The following ZNF436 variants were observed in gnomAD, a reference collection of about 807,000 sequenced individuals.
ZNF436 encodes the protein DNA-binding protein.
A neutral mutation model predicts 41.9 loss-of-function variants in ZNF436; 22 were observed. The ratio of observed to expected loss-of-function variants is 0.53; its 90% CI spans 0.38 to 0.75. The LOEUF (loss-of-function observed/expected upper bound fraction) is 0.75, where lower values mean the gene tolerates loss of function less well. ZNF436 is among the 30% of genes least tolerant of loss of function. ZNF436 has a pLI of 0.00. For synonymous variants in ZNF436, 217 were observed against 197.8 expected (o/e 1.10, Z -0.82); for missense variants, 506 against 587.3 (o/e 0.86, Z 1.43).
chr1:23,362,130 AG>A lies in ZNF436; in HGVS notation c.1251del (p.Tyr418ThrfsTer56). 1 of 1,614,120 alleles carries A rather than the reference AG, an allele frequency of 6.2e-7. No individual in the cohort carries two copies. The highest frequency in any genetic ancestry group is 8.5e-7 in the Non-Finnish European group (1 of 1,180,008). On this transcript the variant is annotated frameshift_variant, in exon 4 of 4. Transcript: ENST00000314011. LOFTEE classifies it high-confidence loss of function. ...KHQRTHTGEK[P>X]YECVQCGKGF... is the part of the protein sequence containing the mutation. The stretch of plus-strand genomic sequence containing the variant: ...CCTTTCCCACACTGCACACACTCGT[AG>A]GGCTTCTCCCCTGTGTGGGTTCTCT...
rs1638257346 is a variant in ZNF436 at position 23,362,338 on chromosome 1, G to A, written c.1044C>T (p.His348=). The stretch of plus-strand genomic sequence containing the variant: ...TGTGAGTTCTCTGGTGCTGAACCAA[G>A]TGTGAGATGCGGCTGAAATTTTCCC... ...ECGENFSRIS[H]LVQHQRTHTG... Residue 348 remains histidine (H), a synonymous_variant, in exon 4 of 4, where the codon CAC becomes CAT. Transcript: ENST00000314011. 6.2e-7 allele frequency: 1 copy of A among 1,613,986 alleles called. No individual in the cohort carries two copies. Among genetic ancestry groups the A allele is most frequent in the East Asian group, 2.2e-5 (1 of 44,878 alleles).
At position 23,369,556 on chromosome 1, in the gene ZNF436, C is replaced by T. The variant is rs1417385729; in HGVS notation, c.-251G>A. 8 of 533,776 alleles carry T rather than the reference C, an allele frequency of 1.5e-5. No individual in the cohort carries two copies. Among genetic ancestry groups the T allele is most frequent in the Non-Finnish European group, 2.7e-5 (7 of 259,352 alleles). The allele number at this position is 533,776 out of a possible 1,614,324, so 33.1% of individuals were successfully genotyped here. A position where few individuals can be genotyped will look rare whatever the true frequency, so the allele number is the denominator to read the frequency against. ...AGACTTGCAGGCGAAGCCCAGATAT[C>T]GTAGGCTGATCCTAAAGACTCAGAT... On this transcript the variant is annotated 5_prime_UTR_variant, in exon 1 of 4. Coordinates refer to ENST00000314011, the MANE Select transcript of ZNF436 (RefSeq NM_001077195.2).
Position 23,362,578 on chromosome 1 carries a change from G to A in ZNF436, c.804C>T (p.His268=), listed in dbSNP as rs1638268971. 6.2e-7 allele frequency: 1 copy of A among 1,613,828 alleles called. No homozygotes were observed. Among genetic ancestry groups the A allele is most frequent in the Non-Finnish European group, 8.5e-7 (1 of 1,179,898 alleles). The part of the protein sequence containing the change: ...SFSRSSHLAQ[H]QRTHTGEKPY... ...GTTTCTCACCCGTGTGGGTCCTCTG[G>A]TGCTGAGCTAGGTGAGAGCTCCGGC... Residue 268 remains histidine (H), a synonymous_variant, in exon 4 of 4, where the codon CAC becomes CAT. Transcript: ENST00000314011.
chr1:23,367,852 G>C, intron 2 of ZNF436, 121 bp downstream of exon 2: 1 of 1,139,248 alleles, frequency 8.8e-7, no homozygotes, highest in Admixed American at 1.9e-5. Flanking sequence ...CCTGGAGGCA[G>C]AATATCGAAG....
chr1:23,364,221 T>C (rs576968898), intron 3 of ZNF436, among the ~76,000 whole-genome samples: 15 of 152,196 alleles, frequency 9.9e-5, no homozygotes, highest in African/African-American at 2.6e-4. Flanking sequence ...AGCCACTATG[T>C]TTTTGTTTGT....
chr1:23,364,213 C>T (rs1017288423), intron 3 of ZNF436, among the ~76,000 whole-genome samples: 1 of 152,096 alleles, frequency 6.6e-6, no homozygotes, highest in Non-Finnish European at 1.5e-5. Flanking sequence ...TACTAAGAAG[C>T]CACTATGTTT....
Position 23,362,102 on chromosome 1 carries a change from A to G in ZNF436, c.1280T>C (p.Phe427Ser). 6.2e-7 allele frequency: 1 copy of G among 1,614,082 alleles called. No homozygotes were observed. The highest frequency in any genetic ancestry group is 1.1e-5 in the South Asian group (1 of 91,072). The change falls in exon 4 of 4, where the codon TTC becomes TCC. Residue 427 changes from phenylalanine to serine, a missense_variant. By Grantham distance (155) the Phe-to-Ser change is radical. Transcript: ENST00000314011. ...TGTGATGAGGTTGGAGCTCTGGGTGAAACCTTTCCCACACTGCACACACTC... is the reference window on the plus strand; with the variant it reads ...TGTGATGAGGTTGGAGCTCTGGGTGGAACCTTTCCCACACTGCACACACTC... ...PYECVQCGKG[F>S]TQSSNLITHQ...
intron 3 of ZNF436, among the ~76,000 whole-genome samples, chr1:23,364,984 C>G (rs1638326271): frequency 6.6e-6 from 1 of 152,158 alleles, no homozygotes; most frequent in Non-Finnish European, 1.5e-5. Flanking sequence ...AGGCCAGATG[C>G]AGTAGCTCAG....
rs1646993670 is a variant in ZNF436, at chr1:23,361,150, T to C, written c.*819A>G. 6.6e-6 allele frequency: 1 copy of C among 152,624 alleles called. No individual in the cohort carries two copies. Among genetic ancestry groups the C allele is most frequent in the Non-Finnish European group, 1.5e-5 (1 of 68,048 alleles). 9.5% of individuals were successfully genotyped at this position (152,624 alleles called of 1,614,324 possible). A position where few individuals can be genotyped will look rare whatever the true frequency, so the allele number is the denominator to read the frequency against. On this transcript the variant is annotated 3_prime_UTR_variant, in exon 4 of 4. Coordinates refer to ENST00000314011, the MANE Select transcript of ZNF436 (RefSeq NM_001077195.2). ...TCCACTTGCTCCTTACACTTAACTGTCACTGATGGTCCTATCTTTTCTTGA... is the reference window on the plus strand; with the variant it reads ...TCCACTTGCTCCTTACACTTAACTGCCACTGATGGTCCTATCTTTTCTTGA...
At position 23,361,055 on chromosome 1, in the gene ZNF436, G is replaced by T. The variant is rs890894019; in HGVS notation, c.*914C>A. On this transcript the variant is annotated 3_prime_UTR_variant, in exon 4 of 4. Coordinates refer to ENST00000314011, the MANE Select transcript of ZNF436 (RefSeq NM_001077195.2). ...AAGAGTTGATCTTAAAGATTAGAAGGGAAAGAACACAGAAACGACCTACAT... is the reference window on the plus strand; with the variant it reads ...AAGAGTTGATCTTAAAGATTAGAAGTGAAAGAACACAGAAACGACCTACAT... 4 of 152,346 alleles carry T rather than the reference G, an allele frequency of 2.6e-5. No individual in the cohort carries two copies. The highest frequency in any genetic ancestry group is 9.7e-5 in the African/African-American group (4 of 41,446). 9.4% of individuals were successfully genotyped at this position (152,346 alleles called of 1,614,324 possible).
Position 23,367,043 on chromosome 1 carries a change from T to C in ZNF436, c.159A>G (p.Leu53=). Residue 53 remains leucine, a splice_region_variant and synonymous_variant, in exon 3 of 4, where the codon CTA becomes CTG. Transcript: ENST00000314011. ...MQENYGNVVS[L]DFEIRSENEV... ...AAGAAAGGTAGAATCCTTACTTACC[T>C]AGTGAGACAACATTTCCATAATTCT... The C allele has an allele frequency of 6.2e-7, 1 of 1,612,860 alleles. No individual in the cohort carries two copies. The highest frequency in any genetic ancestry group is 2.2e-5 in the East Asian group (1 of 44,856).
chr1:23,367,551 C>A (rs955288332), intron 2 of ZNF436, among the ~76,000 whole-genome samples: 1 of 152,190 alleles, frequency 6.6e-6, no homozygotes, highest in Non-Finnish European at 1.5e-5. Flanking sequence ...ATGCCCCCTA[C>A]CCCTCTGCAC....
In ZNF436 at chr1:23,361,254, G is replaced by A. The variant is rs1646994654; in HGVS notation, c.*715C>T. The A allele has an allele frequency of 6.6e-6, 1 of 152,578 alleles. No homozygotes were observed. The highest frequency in any genetic ancestry group is 1.5e-5 in the Non-Finnish European group (1 of 68,028). The allele number at this position is 152,578 out of a possible 1,614,324, so 9.5% of individuals were successfully genotyped here. ...TCTGATTAATGGCAGTAATAACTGT[G>A]GGCATCTTCTGCTAAAGTCACCATC... On this transcript the variant is annotated 3_prime_UTR_variant, in exon 4 of 4. Coordinates refer to ENST00000314011, the MANE Select transcript of ZNF436 (RefSeq NM_001077195.2).
chr1:23,365,217 C>A (rs530299884), intron 3 of ZNF436, among the ~76,000 whole-genome samples: 2 of 150,434 alleles, frequency 1.3e-5, no homozygotes, highest in African/African-American at 2.4e-5. Context: ...CACGGTGAAA[C>A]CCCATCTCTA....
chr1:23,368,099 G>T (rs1638402892), intron 1 of ZNF436, 34 bp from the exon 2 acceptor site: 5 of 1,437,860 alleles, frequency 3.5e-6, no homozygotes, highest in Admixed American at 1.8e-5. Flanking sequence ...GTGAGGCACG[G>T]AAAACAGGCC....
At chr1:23,366,878 C>T (rs1638368335) in intron 3 of ZNF436, among the ~76,000 whole-genome samples, 164 bp downstream of exon 3, 1 of 152,134 alleles carries the variant, frequency 6.6e-6, no homozygotes, top group South Asian at 2.1e-4. Flanking sequence ...GACAATATGA[C>T]CTGGATGTTC....
At chr1:23,367,891 C>T in intron 2 of ZNF436, 82 bp downstream of exon 2, 2 of 1,508,302 alleles carry the variant, frequency 1.3e-6, no homozygotes, top group Non-Finnish European at 1.8e-6. Flanking sequence ...CAGGGAATTT[C>T]CCACAGGGAC....
At chr1:23,369,142 T>C in intron 1 of ZNF436, 1 of 306,782 alleles carries the variant, frequency 3.3e-6, no homozygotes, top group Non-Finnish European at 6.9e-6. Flanking sequence ...CGGGTGGCGG[T>C]GTAGGGCGTG....
intron 3 of ZNF436, among the ~76,000 whole-genome samples, chr1:23,365,174 A>T (rs1202388513): frequency 6.6e-6 from 1 of 151,854 alleles, no homozygotes; most frequent in Non-Finnish European, 1.5e-5. Context: ...TGGGCAGATC[A>T]CGAGGTCAGG....
Sources: allele counts gnomAD v4.1 joint callset (sites outside exome capture counted in the v4.1 genomes callset), GRCh38; gene constraint gnomAD v4.1.1; transcripts MANE v1.5; gene names NCBI Gene and HGNC (gene_info 2026-07-23, HGNC 2026-07-21).